The following CSMD3 variants were observed in gnomAD, a reference collection of about 807,000 sequenced individuals.
The protein encoded by CSMD3 is CUB and sushi domain-containing protein 3.
In CSMD3, 177 loss-of-function variants were observed where a neutral mutation model predicts 435.2. The observed-to-expected ratio is 0.41, with a 90% CI of 0.36 to 0.46. The LOEUF (loss-of-function observed/expected upper bound fraction) is 0.46. Among genes scored for constraint, CSMD3 ranks in the 20% least tolerant of loss-of-function variants. CSMD3 has a pLI of 0.34. For missense variants in CSMD3, 4,265 were observed against 4,504.6 expected (o/e 0.95, Z 1.52); for synonymous variants, 1,656 against 1,520.5 (o/e 1.09, Z -2.07).
chr8:112,752,499 TG>T (rs1353502880), intron 13 of CSMD3, among the ~76,000 whole-genome samples: 1 of 152,194 alleles, frequency 6.6e-6, no homozygotes, highest in African/African-American at 2.4e-5. Context: ...ATAGAAAATC[TG>T]GATGTGAATC....
chr8:113,390,780 C>A (rs553467025), intron 1 of CSMD3, among the ~76,000 whole-genome samples: 1 of 152,032 alleles, frequency 6.6e-6, no homozygotes, highest in South Asian at 2.1e-4. Context: ...TGTATTTTGG[C>A]ATTGTTCTCT....
At chr8:112,766,427 T>C (rs757434479) in intron 13 of CSMD3, among the ~76,000 whole-genome samples, 9 of 151,774 alleles carry the variant, frequency 5.9e-5, no homozygotes, top group Non-Finnish European at 1.3e-4. Flanking sequence ...TCTTTATTTT[T>C]ATATTTTCTA....
chr8:112,417,722 T>C (rs1812064448), intron 32 of CSMD3, among the ~76,000 whole-genome samples: 1 of 152,122 alleles, frequency 6.6e-6, no homozygotes, highest in Non-Finnish European at 1.5e-5. Context: ...AAAATGTAAT[T>C]ATCAGCTTTC....
Position 112,697,399 on chromosome 8 carries a change from A to G in CSMD3, c.1973-7349T>C, listed in dbSNP as rs552822667. The stretch of plus-strand genomic sequence containing the variant: ...ACACCATGGAATACTATGCAGCCAT[A>G]AAAAAGGATGAGTTCATGTCCTTTG... On this transcript the variant is annotated intron_variant, in intron 13 of 70. Coordinates refer to ENST00000297405, the MANE Select transcript of CSMD3 (RefSeq NM_198123.2). 5.0e-3 allele frequency among the ~76,000 whole-genome samples: 762 copies of G among 152,340 alleles called. 4 individuals carry two copies. Among genetic ancestry groups the G allele is most frequent in the African/African-American group, 0.017 (718 of 41,584 alleles).
At chr8:112,713,850 C>A (rs977402384) in intron 13 of CSMD3, among the ~76,000 whole-genome samples, 1 of 152,040 alleles carries the variant, frequency 6.6e-6, no homozygotes, top group Non-Finnish European at 1.5e-5. Context: ...GGAGAAATAA[C>A]CTCCATCTCA....
chr8:113,010,041 C>A (rs2086201032), intron 6 of CSMD3, among the ~76,000 whole-genome samples: 1 of 151,354 alleles, frequency 6.6e-6, no homozygotes. Context: ...ATTATAATAT[C>A]TATTATATAG....
At chr8:113,247,541 AG>A (rs1395282006) in intron 3 of CSMD3, among the ~76,000 whole-genome samples, 2 of 152,136 alleles carry the variant, frequency 1.3e-5, no homozygotes, top group Non-Finnish European at 2.9e-5. Flanking sequence ...TAAACACACC[AG>A]ATTGTTGAAA....
At chr8:113,384,349 TGAA>T (rs2094430558) in intron 1 of CSMD3, among the ~76,000 whole-genome samples, 2 of 152,162 alleles carry the variant, frequency 1.3e-5, no homozygotes, top group South Asian at 2.1e-4. Context: ...TATTCATTAT[TGAA>T]GAAGATTTCT....
intron 11 of CSMD3, among the ~76,000 whole-genome samples, chr8:112,833,927 A>T (rs548424686): frequency 6.6e-6 from 1 of 152,102 alleles, no homozygotes; most frequent in African/African-American, 2.4e-5. Context: ...AATTAAAATT[A>T]GAGAATGTTT....
At chr8:112,541,435 T>C (rs1281428562) in intron 27 of CSMD3, among the ~76,000 whole-genome samples, 1 of 151,622 alleles carries the variant, frequency 6.6e-6, no homozygotes, top group African/African-American at 2.4e-5. Context: ...AGAATAATGC[T>C]ACAGAAATAA....
chr8:112,720,629 C>T (rs763131278), intron 13 of CSMD3, among the ~76,000 whole-genome samples: 1 of 152,038 alleles, frequency 6.6e-6, no homozygotes. Context: ...CACTCTGAAC[C>T]GCAGCATAGT....
chr8:112,309,888 A>G (rs1048501143), intron 50 of CSMD3, among the ~76,000 whole-genome samples: 2 of 152,114 alleles, frequency 1.3e-5, no homozygotes, highest in Admixed American at 6.6e-5. Flanking sequence ...AATTTTAATT[A>G]CCTATCTTAC....
chr8:112,650,979 G>A (rs2075112195), intron 18 of CSMD3, among the ~76,000 whole-genome samples: 1 of 152,064 alleles, frequency 6.6e-6, no homozygotes, highest in Non-Finnish European at 1.5e-5. Context: ...TTTTGGACTG[G>A]ATACTTCTGT....
chr8:112,827,847 C>T (rs1333920409), intron 12 of CSMD3, among the ~76,000 whole-genome samples: 1 of 152,146 alleles, frequency 6.6e-6, no homozygotes, highest in African/African-American at 2.4e-5. Flanking sequence ...AGGCCCTCTC[C>T]ATAGGAGGCA....
chr8:112,228,526 G>A (rs188807356), intron 70 of CSMD3, among the ~76,000 whole-genome samples: 10 of 152,248 alleles, frequency 6.6e-5, no homozygotes, highest in African/African-American at 2.4e-4. Context: ...CAAAAGAAAG[G>A]TTAAACTGAA....
At chr8:113,000,802 T>C (rs1387694432) in intron 6 of CSMD3, among the ~76,000 whole-genome samples, 1 of 151,984 alleles carries the variant, frequency 6.6e-6, no homozygotes, top group African/African-American at 2.4e-5. Flanking sequence ...GACTCCAGCT[T>C]AGAACTTCTC....
At chr8:112,353,680 A>T (rs1165629395) in intron 38 of CSMD3, among the ~76,000 whole-genome samples, 1 of 152,116 alleles carries the variant, frequency 6.6e-6, no homozygotes, top group Non-Finnish European at 1.5e-5. Context: ...TGAACAGACC[A>T]CTGAGTTCTA....
At chr8:112,687,748 T>A (rs543338616) in intron 14 of CSMD3, among the ~76,000 whole-genome samples, 2 of 151,800 alleles carry the variant, frequency 1.3e-5, no homozygotes, top group East Asian at 1.9e-4. Flanking sequence ...TTTGGCTTGA[T>A]TTTTTTTTCT....
chr8:112,415,284 A>T (rs184261058), intron 32 of CSMD3, among the ~76,000 whole-genome samples: 3 of 152,334 alleles, frequency 2.0e-5, no homozygotes, highest in African/African-American at 7.2e-5. Flanking sequence ...GGCTAAAAGG[A>T]ACCAAGGTAC....
Sources: gnomAD v4.1 joint callset for allele counts (sites outside exome capture counted in the v4.1 genomes callset) on GRCh38, gnomAD v4.1.1 for gene constraint, MANE v1.5 for transcripts, NCBI Gene and HGNC (gene_info 2026-07-23, HGNC 2026-07-21) for gene names.